PAFAH1B1: variants seen among roughly 807,000 people sequenced by gnomAD.
The protein encoded by PAFAH1B1 is platelet activating factor acetylhydrolase 1b regulatory subunit 1.
Under a neutral mutation model 57.5 loss-of-function variants are expected in PAFAH1B1, and 2 were observed. That is an observed-to-expected ratio of 0.03 (90% CI 0.01 to 0.11). The LOEUF is 0.11. Ranked by LOEUF, PAFAH1B1 falls within the 10% of genes least tolerant of loss-of-function variation. The pLI is 1.00. For missense variants in PAFAH1B1, 257 were observed against 512.0 expected (o/e 0.50, Z 4.81); for synonymous variants, 152 against 169.6 (o/e 0.90, Z 0.81).
intron 5 of PAFAH1B1, among the ~76,000 whole-genome samples, chr17:2,668,503 A>G (rs1172070003): frequency 2.0e-5 from 3 of 151,902 alleles, no homozygotes; most frequent in African/African-American, 7.3e-5. Flanking sequence ...CCTGGGCAAC[A>G]TAGCAAGACC....
At chr17:2,644,342 G>A (rs1597547383) in intron 2 of PAFAH1B1, among the ~76,000 whole-genome samples, 1 of 152,124 alleles carries the variant, frequency 6.6e-6, no homozygotes, top group Non-Finnish European at 1.5e-5. Flanking sequence ...AGGAGTCCAA[G>A]ACCAGCCTGG....
intron 1 of PAFAH1B1, among the ~76,000 whole-genome samples, chr17:2,622,532 G>A (rs897450437): frequency 6.6e-6 from 1 of 152,288 alleles, no homozygotes; most frequent in East Asian, 1.9e-4. Flanking sequence ...TCCAGGTCAC[G>A]CTGATGCAAG....
At chr17:2,673,374 T>C (rs1185817134) in intron 7 of PAFAH1B1, among the ~76,000 whole-genome samples, 1 of 152,088 alleles carries the variant, frequency 6.6e-6, no homozygotes, top group Non-Finnish European at 1.5e-5. Context: ...GCGCGGTGGC[T>C]CACGCCTGTA....
intron 1 of PAFAH1B1, among the ~76,000 whole-genome samples, chr17:2,624,498 G>A (rs2068464016): frequency 1.3e-5 from 2 of 152,182 alleles, no homozygotes; most frequent in East Asian, 1.9e-4. Flanking sequence ...ATGATAGGAA[G>A]TGAAAGGCAC....
rs144275946 is a variant in PAFAH1B1 at position 2,643,264 on chromosome 17, A to T, written c.32+4944A>T. Among the ~76,000 whole-genome samples the T allele has an allele frequency of 5.1e-3, 768 of 151,706 alleles. 2 individuals are homozygous for T. The highest frequency in any genetic ancestry group is 8.1e-3 in the Non-Finnish European group (553 of 67,890). On this transcript the variant is annotated intron_variant, in intron 2 of 10. Transcript: ENST00000397195. Reference sequence around the variant, plus strand: ...CATGCCATGCCACCATGCTCAGCTAATTTTTTCCTTTGCCTTTTTTGTTTT... The same window carrying T: ...CATGCCATGCCACCATGCTCAGCTATTTTTTTCCTTTGCCTTTTTTGTTTT...
At chr17:2,648,087 AAAT>A (rs2151641964) in intron 2 of PAFAH1B1, among the ~76,000 whole-genome samples, 1 of 152,316 alleles carries the variant, frequency 6.6e-6, no homozygotes, top group Non-Finnish European at 1.5e-5. Flanking sequence ...AGGAAAGTTA[AAAT>A]AATGACAGAA....
intron 1 of PAFAH1B1, among the ~76,000 whole-genome samples, chr17:2,630,803 T>C (rs1046511991): frequency 6.6e-6 from 1 of 152,220 alleles, no homozygotes; most frequent in Non-Finnish European, 1.5e-5. Flanking sequence ...TTGTTCATAT[T>C]TTCTTATTCT....
intron 2 of PAFAH1B1, among the ~76,000 whole-genome samples, chr17:2,661,263 T>C (rs1208423439): frequency 6.6e-6 from 1 of 152,244 alleles, no homozygotes; most frequent in Non-Finnish European, 1.5e-5. Context: ...TGGTATTGCC[T>C]AGGTTTTCTT....
chr17:2,632,479 T>C (rs2068567382), intron 1 of PAFAH1B1, among the ~76,000 whole-genome samples: 1 of 152,234 alleles, frequency 6.6e-6, no homozygotes, highest in Admixed American at 6.5e-5. Flanking sequence ...TCCCTTGGTA[T>C]TTATTGAAGA....
chr17:2,649,396 A>T (rs2068818396), intron 2 of PAFAH1B1, among the ~76,000 whole-genome samples: 2 of 151,924 alleles, frequency 1.3e-5, no homozygotes, highest in Admixed American at 1.3e-4. Context: ...AATATGACGA[A>T]ACCCCATCTC....
intron 10 of PAFAH1B1, chr17:2,681,505 A>T: frequency 1.9e-6 from 1 of 522,906 alleles, no homozygotes; most frequent in Non-Finnish European, 3.4e-6. Flanking sequence ...TTGCTCTGTC[A>T]CCCAGGCTGG....
chr17:2,626,015 C>A (rs551505492), intron 1 of PAFAH1B1, among the ~76,000 whole-genome samples: 1 of 152,196 alleles, frequency 6.6e-6, no homozygotes, highest in East Asian at 1.9e-4. Context: ...CTTTGGGAGG[C>A]CAAGGCAGGT....
chr17:2,667,434 G>T (rs1165813176), intron 5 of PAFAH1B1: 2 of 447,410 alleles, frequency 4.5e-6, no homozygotes, highest in Non-Finnish European at 4.1e-6. Flanking sequence ...GTGTGATTTG[G>T]TTCTAAATCT....
At chr17:2,658,381 T>C (rs976713785) in intron 2 of PAFAH1B1, among the ~76,000 whole-genome samples, 1 of 152,230 alleles carries the variant, frequency 6.6e-6, no homozygotes, top group Non-Finnish European at 1.5e-5. Context: ...GTGACTGCCC[T>C]CTGTTTTGTG....
chr17:2,637,412 TCTACAAAAAAAAAATTTAAG>T (rs766020639), intron 1 of PAFAH1B1, among the ~76,000 whole-genome samples: 12 of 51,546 alleles, frequency 2.3e-4, no homozygotes, highest in African/African-American at 3.5e-4. Context: ...GAGACCTGTC[TCTACAAAAAAAAAATTTAAG>T]AATTAGCTGG....
At chr17:2,653,243 G>A (rs374428311) in intron 2 of PAFAH1B1, among the ~76,000 whole-genome samples, 1 of 152,086 alleles carries the variant, frequency 6.6e-6, no homozygotes. Flanking sequence ...ACACAGGAAG[G>A]GGAACATCAC....
intron 1 of PAFAH1B1, among the ~76,000 whole-genome samples, chr17:2,607,747 A>C (rs1457556719): frequency 6.6e-6 from 1 of 152,008 alleles, no homozygotes; most frequent in Non-Finnish European, 1.5e-5. Flanking sequence ...CAGCCTCCCA[A>C]AGTTCTGGGA....
At chr17:2,656,648 A>G (rs1179310616) in intron 2 of PAFAH1B1, among the ~76,000 whole-genome samples, 1 of 152,168 alleles carries the variant, frequency 6.6e-6, no homozygotes, top group African/African-American at 2.4e-5. Flanking sequence ...ATTGGAAGCT[A>G]TATTTAATCA....
At chr17:2,615,890 G>C (rs2068333700) in intron 1 of PAFAH1B1, among the ~76,000 whole-genome samples, 1 of 152,100 alleles carries the variant, frequency 6.6e-6, no homozygotes, top group Non-Finnish European at 1.5e-5. Flanking sequence ...AGGAAATCCA[G>C]GAGGTGATAA....
Sources: allele counts gnomAD v4.1 joint callset (sites outside exome capture counted in the v4.1 genomes callset), GRCh38; gene constraint gnomAD v4.1.1; transcripts MANE v1.5; gene names NCBI Gene and HGNC (gene_info 2026-07-23, HGNC 2026-07-21).